PRDM6: variants seen among roughly 807,000 people sequenced by gnomAD.
The protein encoded by PRDM6 is PR/SET domain 6, also known as putative histone-lysine N-methyltransferase PRDM6.
A neutral mutation model predicts 60.8 loss-of-function variants in PRDM6; 25 were observed. The observed-to-expected ratio is 0.41, with a 90% CI of 0.30 to 0.57. The LOEUF is 0.57. PRDM6 is among the 20% of genes least tolerant of loss of function. The pLI is 0.27. For synonymous variants in PRDM6, 407 were observed against 357.4 expected (o/e 1.14, Z -1.57); for missense variants, 839 against 821.3 (o/e 1.02, Z -0.26).
At chr5:123,120,079 A>C (rs572863131) in intron 3 of PRDM6, among the ~76,000 whole-genome samples, 23 of 152,246 alleles carry the variant, frequency 1.5e-4, no homozygotes, top group Non-Finnish European at 2.8e-4. Context: ...GTTGATTTTG[A>C]ATATTTTTTA....
At chr5:123,155,734 C>T in intron 3 of PRDM6, 150 bp from the exon 4 acceptor site, 1 of 763,652 alleles carries the variant, frequency 1.3e-6, no homozygotes. Context: ...TCCTGTTATT[C>T]CGGTTGAGTT....
intron 3 of PRDM6, among the ~76,000 whole-genome samples, chr5:123,120,700 C>T (rs1349549776): frequency 6.6e-6 from 1 of 152,218 alleles, no homozygotes; most frequent in South Asian, 2.1e-4. Flanking sequence ...TCTAAACATG[C>T]CCTAGTGTAA....
chr5:123,175,638 C>A (rs1442638993), intron 6 of PRDM6, among the ~76,000 whole-genome samples: 1 of 152,168 alleles, frequency 6.6e-6, no homozygotes, highest in Non-Finnish European at 1.5e-5. Context: ...CAGCAGTGAC[C>A]TAAGTAATCT....
At chr5:123,094,749 A>G (rs566597519) in intron 2 of PRDM6, among the ~76,000 whole-genome samples, 14 of 152,222 alleles carry the variant, frequency 9.2e-5, no homozygotes, top group African/African-American at 3.4e-4. Context: ...CGCGGCTCCT[A>G]TTCATCATCT....
At chr5:123,149,440 T>C (rs539998418) in intron 3 of PRDM6, among the ~76,000 whole-genome samples, 85 of 152,270 alleles carry the variant, frequency 5.6e-4, no homozygotes, top group Non-Finnish European at 8.8e-4. Context: ...ACTTCAGAGA[T>C]CAAGCAATCC....
At chr5:123,136,295 G>C (rs959802013) in intron 3 of PRDM6, among the ~76,000 whole-genome samples, 1 of 152,120 alleles carries the variant, frequency 6.6e-6, no homozygotes, top group East Asian at 1.9e-4. Flanking sequence ...GTTACATGGT[G>C]ACCCACCACT....
chr5:123,167,303 C>A (rs1440550409), intron 5 of PRDM6, among the ~76,000 whole-genome samples: 1 of 152,066 alleles, frequency 6.6e-6, no homozygotes, highest in African/African-American at 2.4e-5. Context: ...TCTCTTCATC[C>A]CTACTCCCCT....
chr5:123,112,579 C>A (rs947758821), intron 3 of PRDM6, among the ~76,000 whole-genome samples: 6 of 152,156 alleles, frequency 3.9e-5, no homozygotes, highest in Non-Finnish European at 7.3e-5. Flanking sequence ...CTCTCAGATT[C>A]AGTATCCCGC....
chr5:123,129,125 C>T (rs1333708286), intron 3 of PRDM6, among the ~76,000 whole-genome samples: 1 of 152,236 alleles, frequency 6.6e-6, no homozygotes, highest in East Asian at 1.9e-4. Flanking sequence ...TGGTCTATGT[C>T]TCTGTTTTGG....
rs976641139 is a variant in PRDM6, at chr5:123,191,367, G to C, written c.*4166G>C. 6.6e-6 allele frequency: 1 copy of C among 152,200 alleles called. No individual in the cohort carries two copies. The highest frequency in any genetic ancestry group is 1.9e-4 in the East Asian group (1 of 5,202). 9.4% of individuals were successfully genotyped at this position (152,200 alleles called of 1,614,324 possible). A position where few individuals can be genotyped will look rare whatever the true frequency, so the allele number is the denominator to read the frequency against. ...AACAGCAGGGTTAACGGGTCCCTCTGAGTGTACCCAGCAGCCTGCGTTTAG... is the reference window on the plus strand; with the variant it reads ...AACAGCAGGGTTAACGGGTCCCTCTCAGTGTACCCAGCAGCCTGCGTTTAG... On this transcript the variant is annotated 3_prime_UTR_variant, in exon 8 of 8. Transcript: ENST00000407847.
intron 3 of PRDM6, among the ~76,000 whole-genome samples, chr5:123,103,247 T>C (rs1001330346): frequency 5.9e-5 from 9 of 151,974 alleles, no homozygotes; most frequent in Non-Finnish European, 1.3e-4. Context: ...TTTTTTATAG[T>C]TTAAGAAGAT....
At chr5:123,146,438 A>G (rs1765240490) in intron 3 of PRDM6, among the ~76,000 whole-genome samples, 1 of 152,224 alleles carries the variant, frequency 6.6e-6, no homozygotes, top group Non-Finnish European at 1.5e-5. Context: ...AAATCCCATC[A>G]GTTCACACTA....
intron 3 of PRDM6, among the ~76,000 whole-genome samples, chr5:123,142,908 A>C (rs1299681124): frequency 1.4e-5 from 2 of 146,038 alleles, no homozygotes; most frequent in African/African-American, 2.5e-5. Context: ...AAAAACAAAC[A>C]AACCAAAGCA....
At chr5:123,172,190 C>A (rs937662522) in intron 6 of PRDM6, among the ~76,000 whole-genome samples, 1 of 151,972 alleles carries the variant, frequency 6.6e-6, no homozygotes, top group Non-Finnish European at 1.5e-5. Flanking sequence ...GCCTAGAAAA[C>A]CCAAGCAGAG....
rs770166738 is a variant in PRDM6, at chr5:123,090,412, C to T, written c.398C>T (p.Pro133Leu). ...AAAAVAAEPLPPKELCLGATS... is the reference protein window; with the variant it reads ...AAAAVAAEPLLPKELCLGATS... The stretch of plus-strand genomic sequence containing the variant: ...GCTGCCGTCGCCGCCGAGCCGCTGC[C>T]CCCCAAGGAACTGTGCCTCGGCGCC... The change falls in exon 2 of 8, where the codon CCC becomes CTC. Residue 133 changes from proline (P) to leucine (L), a missense_variant. Coordinates refer to ENST00000407847, the MANE Select transcript of PRDM6 (RefSeq NM_001136239.4). The T allele has an allele frequency of 6.9e-7, 1 of 1,457,038 alleles. No individual in the cohort carries two copies. Among genetic ancestry groups the T allele is most frequent in the South Asian group, 1.3e-5 (1 of 74,442 alleles). The allele number at this position is 1,457,038 out of a possible 1,614,324, so 90.3% of individuals were successfully genotyped here. A position where few individuals can be genotyped will look rare whatever the true frequency, so the allele number is the denominator to read the frequency against.
At position 123,170,988 on chromosome 5, in the gene PRDM6, C is replaced by T; in HGVS notation, c.1376C>T (p.Ser459Phe). The change falls in exon 6 of 8, where the codon TCC becomes TTC. Residue 459 changes from serine to phenylalanine, a missense_variant. Ser to Phe is a radical substitution (Grantham distance 155). Transcript: ENST00000407847. ...CAGCGAGTCCTGGCAAGCCCAACTT[C>T]CACAAGCCAGCTCCACTCGGAGTTC... ...KNQRVLASPT[S>F]TSQLHSEFSD... 2 of 1,551,850 alleles carry T rather than the reference C, an allele frequency of 1.3e-6. No homozygotes were observed. The highest frequency in any genetic ancestry group is 1.7e-6 in the Non-Finnish European group (2 of 1,147,030).
At chr5:123,162,602 C>G (rs991787051) in intron 5 of PRDM6, among the ~76,000 whole-genome samples, 1 of 152,112 alleles carries the variant, frequency 6.6e-6, no homozygotes, top group Non-Finnish European at 1.5e-5. Flanking sequence ...TTTTGGGTTC[C>G]GTTCAGAGCT....
rs753178637 is a variant in PRDM6, at chr5:123,090,192, G to A, written c.178G>A (p.Glu60Lys). Residue 60 changes from glutamate to lysine, a missense_variant, in exon 2 of 8, where the codon GAG becomes AAG. Physicochemically the swap from Glu to Lys is moderately conservative, Grantham distance 56 (BLOSUM62 1). Around this residue, in one of 2 missense-constraint regions of PRDM6, gnomAD observed 730 missense variants for 648.8 expected, o/e 1.13. Coordinates refer to ENST00000407847, the MANE Select transcript of PRDM6 (RefSeq NM_001136239.4). The stretch of plus-strand genomic sequence containing the variant: ...GCCGCCGCCGCCGCCCCCGCCCCCG[G>A]AGCGCGCTGAGCCTCCGCCGGACAG... ...LQPPPPPPPPERAEPPPDSLR... is the reference protein window; with the variant it reads ...LQPPPPPPPPKRAEPPPDSLR... 5.4e-6 allele frequency: 8 copies of A among 1,481,368 alleles called. No individual in the cohort carries two copies. The highest frequency in any genetic ancestry group is 1.5e-5 in the African/African-American group (1 of 66,892). The allele number at this position is 1,481,368 out of a possible 1,614,324, so 91.8% of individuals were successfully genotyped here. A position where few individuals can be genotyped will look rare whatever the true frequency, so the allele number is the denominator to read the frequency against.
chr5:123,175,970 C>T (rs1472428402), intron 6 of PRDM6, among the ~76,000 whole-genome samples: 1 of 152,100 alleles, frequency 6.6e-6, no homozygotes, highest in African/African-American at 2.4e-5. Flanking sequence ...AAACATTTAC[C>T]AGCATTGATA....
Sources: gnomAD v4.1 joint callset for allele counts (sites outside exome capture counted in the v4.1 genomes callset) on GRCh38, gnomAD v4.1.1 for gene constraint, gnomAD v4.1.1 regional missense constraint, MANE v1.5 for transcripts, NCBI Gene and HGNC (gene_info 2026-07-23, HGNC 2026-07-21) for gene names.